MRPS35: variants seen among roughly 807,000 people sequenced by gnomAD.
The protein encoded by MRPS35 is small ribosomal subunit protein mS35.
A neutral mutation model predicts 32.7 loss-of-function variants in MRPS35; 29 were observed. That is an observed-to-expected ratio of 0.89 (90% confidence interval 0.66 to 1.21). The LOEUF (loss-of-function observed/expected upper bound fraction) is 1.21. Ranked by LOEUF, MRPS35 falls within the 50% of genes most tolerant of loss-of-function variation. The probability of loss-of-function intolerance (pLI) is 0.00; values close to 1 mark genes in which losing one functional copy is unlikely to be tolerated. For missense variants in MRPS35, 373 were observed against 383.8 expected (o/e 0.97, Z 0.23); for synonymous variants, 148 against 139.3 (o/e 1.06, Z -0.44).
intron 5 of MRPS35, among the ~76,000 whole-genome samples, chr12:27,729,148 T>C (rs564490080): frequency 2.0e-5 from 3 of 152,280 alleles, no homozygotes; most frequent in African/African-American, 7.2e-5. Context: ...GGGAACTCTT[T>C]TAAGTTGGTT....
In MRPS35 at chr12:27,735,435, C is replaced by A. The variant is rs2061939576; in HGVS notation, c.523-12C>A. The A allele has an allele frequency of 6.4e-7, 1 of 1,558,448 alleles. No homozygotes were observed. Among genetic ancestry groups the A allele is most frequent in the African/African-American group, 1.4e-5 (1 of 72,434 alleles). On this transcript the variant is annotated splice_polypyrimidine_tract_variant and intron_variant, in intron 5 of 7. Transcript: ENST00000081029. ...GAAATTATTTTTTCAAATAACTTTT[C>A]TTATTTTTAAGGTAAAGCTTTCCAG...
chr12:27,715,615 C>A (rs2061846808), intron 2 of MRPS35, among the ~76,000 whole-genome samples: 1 of 152,196 alleles, frequency 6.6e-6, no homozygotes, highest in Non-Finnish European at 1.5e-5. Context: ...AAATTACAAT[C>A]ATTAAGAGCA....
intron 5 of MRPS35, among the ~76,000 whole-genome samples, chr12:27,731,205 CA>C (rs2061920913): frequency 6.6e-6 from 1 of 152,182 alleles, no homozygotes; most frequent in East Asian, 1.9e-4. Context: ...TCTGGCACTA[CA>C]AAATGCTCTG....
chr12:27,741,358 G>T (rs1439761296), intron 7 of MRPS35, among the ~76,000 whole-genome samples: 2 of 152,022 alleles, frequency 1.3e-5, no homozygotes, highest in Non-Finnish European at 2.9e-5. Context: ...AACCTCTGAG[G>T]TTCAGTTTTT....
chr12:27,747,768 C>T (rs1417104319), intron 7 of MRPS35, among the ~76,000 whole-genome samples: 2 of 152,060 alleles, frequency 1.3e-5, no homozygotes, highest in Admixed American at 6.6e-5. Context: ...ATACATTGAC[C>T]CTTGCATGAA....
At position 27,724,069 on chromosome 12, in the gene MRPS35, C is replaced by T. The variant is rs369651864; in HGVS notation, c.405C>T (p.Ala135=). 2.2e-5 allele frequency: 35 copies of T among 1,602,144 alleles called. No homozygotes were observed. The highest frequency in any genetic ancestry group is 1.2e-4 in the South Asian group (11 of 88,250). The change falls in exon 5 of 8, where the codon GCC becomes GCT. Residue 135 remains alanine, a synonymous_variant. Transcript: ENST00000081029. Reference sequence around the variant, plus strand: ...CAGATTTTTGCACTGAGTGGCCAGCCGCACTGGACAGTGACGAGAAATGTG... The same window carrying T: ...CAGATTTTTGCACTGAGTGGCCAGCTGCACTGGACAGTGACGAGAAATGTG... The part of the protein sequence containing the change: ...ALKDFCTEWP[A]ALDSDEKCEK...
chr12:27,724,190 A>G lies in MRPS35; in HGVS notation c.522+4A>G. On this transcript the variant is annotated splice_donor_region_variant and intron_variant, in intron 5 of 7. Coordinates refer to ENST00000081029, the MANE Select transcript of MRPS35 (RefSeq NM_021821.4). ...AGCACGAGTAGTAGTCTTAAGAGTAAGAGTTTTTTTCATTTTTTTTTTTTA... is the reference window on the plus strand; with the variant it reads ...AGCACGAGTAGTAGTCTTAAGAGTAGGAGTTTTTTTCATTTTTTTTTTTTA... The G allele has an allele frequency of 6.5e-7, 1 of 1,549,674 alleles. No homozygotes were observed. The highest frequency in any genetic ancestry group is 8.7e-7 in the Non-Finnish European group (1 of 1,154,574).
At chr12:27,738,743 A>G (rs550873478) in intron 7 of MRPS35, among the ~76,000 whole-genome samples, 3 of 152,298 alleles carry the variant, frequency 2.0e-5, no homozygotes, top group East Asian at 1.9e-4. Flanking sequence ...AAAGGACTTC[A>G]TATGTCAGTG....
chr12:27,729,891 CTGTT>C (rs1354762172), intron 5 of MRPS35, among the ~76,000 whole-genome samples: 4 of 151,466 alleles, frequency 2.6e-5, no homozygotes, highest in East Asian at 1.9e-4. Context: ...TTTGAAGTCA[CTGTT>C]TGTTTCCTTT....
intron 3 of MRPS35, among the ~76,000 whole-genome samples, chr12:27,718,167 G>A (rs990901109): frequency 2.0e-5 from 3 of 152,160 alleles, no homozygotes; most frequent in South Asian, 4.1e-4. Flanking sequence ...GCTCACACCC[G>A]TAATCCCAGC....
Position 27,755,166 on chromosome 12 carries a change from T to G in MRPS35, c.703-15T>G, listed in dbSNP as rs1352035797. On this transcript the variant is annotated splice_polypyrimidine_tract_variant and intron_variant, in intron 7 of 7. Coordinates refer to ENST00000081029, the MANE Select transcript of MRPS35 (RefSeq NM_021821.4). ...GAATTCAGAACTCATTTTTTTTTGTTTTGTTTTGTTTCAGAATACTGAAGA... is the reference window on the plus strand; with the variant it reads ...GAATTCAGAACTCATTTTTTTTTGTGTTGTTTTGTTTCAGAATACTGAAGA... 6.7e-7 allele frequency: 1 copy of G among 1,491,804 alleles called. No homozygotes were observed. 92.4% of individuals were successfully genotyped at this position (1,491,804 alleles called of 1,614,324 possible). A position where few individuals can be genotyped will look rare whatever the true frequency, so the allele number is the denominator to read the frequency against.
At chr12:27,746,713 A>C (rs1320482026) in intron 7 of MRPS35, among the ~76,000 whole-genome samples, 1 of 152,222 alleles carries the variant, frequency 6.6e-6, no homozygotes, top group Non-Finnish European at 1.5e-5. Flanking sequence ...AAGACCTTTA[A>C]GAAAAACTCA....
Position 27,755,297 on chromosome 12 carries a change from G to A in MRPS35, c.819G>A (p.Glu273=), listed in dbSNP as rs777770330. 19 of 1,612,432 alleles carry A rather than the reference G, an allele frequency of 1.2e-5. No individual in the cohort carries two copies. Residue 273 remains glutamate (E), a synonymous_variant, in exon 8 of 8, where the codon GAG becomes GAA. Coordinates refer to ENST00000081029, the MANE Select transcript of MRPS35 (RefSeq NM_021821.4). ...LETLLQMKAA[E]KNMEINKEEL... ...CGCTTCTCCAGATGAAAGCTGCTGA[G>A]AAAAATATGGAAATAAATAAAGAAG...
At chr12:27,735,898 T>C (rs549776479) in intron 6 of MRPS35, among the ~76,000 whole-genome samples, 1 of 152,348 alleles carries the variant, frequency 6.6e-6, no homozygotes, top group East Asian at 1.9e-4. Flanking sequence ...CATATAAAAA[T>C]CTTGTAGTTC....
chr12:27,733,541 C>G (rs1330531111), intron 5 of MRPS35, among the ~76,000 whole-genome samples: 1 of 152,202 alleles, frequency 6.6e-6, no homozygotes, highest in East Asian at 1.9e-4. Flanking sequence ...AACATTCTCA[C>G]TATCCTAATG....
At chr12:27,723,689 T>G (rs762848849) in intron 4 of MRPS35, among the ~76,000 whole-genome samples, 7 of 152,230 alleles carry the variant, frequency 4.6e-5, no homozygotes, top group Non-Finnish European at 8.8e-5. Flanking sequence ...ACAGTAATGC[T>G]GTGGGCACTA....
chr12:27,755,554 C>T lies in MRPS35; in HGVS notation c.*104C>T. 1 of 1,165,152 alleles carries T rather than the reference C, an allele frequency of 8.6e-7. No homozygotes were observed. The highest frequency in any genetic ancestry group is 2.7e-5 in the East Asian group (1 of 36,786). 72.2% of individuals were successfully genotyped at this position (1,165,152 alleles called of 1,614,324 possible). A position where few individuals can be genotyped will look rare whatever the true frequency, so the allele number is the denominator to read the frequency against. ...AAATGTTAAAAAATCATTTTTTTTC[C>T]TCAGAGTTAAAATTATTTCCCTCAT... On this transcript the variant is annotated 3_prime_UTR_variant, in exon 8 of 8. Coordinates refer to ENST00000081029, the MANE Select transcript of MRPS35 (RefSeq NM_021821.4).
intron 7 of MRPS35, among the ~76,000 whole-genome samples, chr12:27,753,557 A>G (rs1322489709): frequency 6.6e-6 from 1 of 152,112 alleles, no homozygotes; most frequent in Non-Finnish European, 1.5e-5. Context: ...TCAAGCTGGA[A>G]TCTCTTTGAA....
At chr12:27,737,685 C>A in intron 7 of MRPS35, 77 bp downstream of exon 7, 2 of 1,166,158 alleles carry the variant, frequency 1.7e-6, no homozygotes, top group South Asian at 1.3e-5. Context: ...CTCTTTGTGG[C>A]AAGTACTCAA....
Sources: gnomAD v4.1 joint callset for allele counts (sites outside exome capture counted in the v4.1 genomes callset) on GRCh38, gnomAD v4.1.1 for gene constraint, MANE v1.5 for transcripts, NCBI Gene and HGNC (gene_info 2026-07-23, HGNC 2026-07-21) for gene names.